The following HMG20A variants were observed in gnomAD, a reference collection of about 807,000 sequenced individuals.
The protein encoded by HMG20A is high mobility group protein 20A.
Under a neutral mutation model 43.9 loss-of-function variants are expected in HMG20A, and 17 were observed. That is an observed-to-expected ratio of 0.39 (90% CI 0.27 to 0.58). The LOEUF (loss-of-function observed/expected upper bound fraction) is 0.58. Among genes scored for constraint, HMG20A ranks in the 20% least tolerant of loss-of-function variants. The pLI is 0.59. For synonymous variants in HMG20A, 132 were observed against 147.5 expected (o/e 0.89, Z 0.76); for missense variants, 341 against 438.2 (o/e 0.78, Z 1.98).
chr15:77,484,244 G>A lies in HMG20A; in HGVS notation c.*1281G>A, dbSNP rs2072929138. 2.0e-5 allele frequency: 3 copies of A among 152,186 alleles called. No homozygotes were observed. The highest frequency in any genetic ancestry group is 3.8e-4 in the East Asian group (2 of 5,200). 9.4% of individuals were successfully genotyped at this position (152,186 alleles called of 1,614,324 possible). Reference sequence around the variant, plus strand: ...TACAACTCTTGGGCTCAAGCATCACGCCTAGCAGTTTCTGGTTCCTTTAAC... The same window carrying A: ...TACAACTCTTGGGCTCAAGCATCACACCTAGCAGTTTCTGGTTCCTTTAAC... On this transcript the variant is annotated 3_prime_UTR_variant, in exon 10 of 10. Transcript: ENST00000336216.
chr15:77,506,243 C>G, the HMG20A span, among the ~76,000 whole-genome samples: 6,206 of 152,050 alleles, frequency 0.041, 383 homozygotes, highest in African/African-American at 0.14. Context: ...CATATCCCAC[C>G]CCGATCCCAG....
At chr15:77,429,644 A>G (rs1304103994) in intron 1 of HMG20A, among the ~76,000 whole-genome samples, 1 of 152,242 alleles carries the variant, frequency 6.6e-6, no homozygotes, top group Non-Finnish European at 1.5e-5. Flanking sequence ...AAAAATAGTT[A>G]AAGGCACAAA....
chr15:77,516,814 A>G, the HMG20A span, among the ~76,000 whole-genome samples: 7 of 152,292 alleles, frequency 4.6e-5, 1 homozygote, highest in Middle Eastern at 0.014. Flanking sequence ...AGTGAGACAC[A>G]GCCTGGTTGT....
the HMG20A span, among the ~76,000 whole-genome samples, chr15:77,519,881 C>T: frequency 6.6e-6 from 1 of 152,092 alleles, no homozygotes; most frequent in Non-Finnish European, 1.5e-5. Flanking sequence ...GTGCTATTTG[C>T]TTATCCAGGA....
Position 77,478,417 on chromosome 15 carries a change from A to C in HMG20A, c.814A>C (p.Ile272Leu), listed in dbSNP as rs753116268. 4 of 1,612,962 alleles carry C rather than the reference A, an allele frequency of 2.5e-6. No homozygotes were observed. In the South Asian group the frequency reaches 4.4e-5, roughly 18 times the overall value. Residue 272 changes from isoleucine to leucine, a missense_variant, in exon 8 of 10, where the codon ATC becomes CTC. Coordinates refer to ENST00000336216, the MANE Select transcript of HMG20A (RefSeq NM_001304504.2). ...AGTGGAGAAGCTGGAGGTGGATGTG[A>C]TCCAGGAGCGGAGCCGCAACACAGT... is the stretch of plus-strand genomic sequence containing the variant. Reference protein sequence around the residue: ...TAVEKLEVDVIQERSRNTVLQ... With the variant: ...TAVEKLEVDVLQERSRNTVLQ...
intron 1 of HMG20A, among the ~76,000 whole-genome samples, chr15:77,440,727 T>C (rs1486589623): frequency 6.6e-6 from 1 of 152,210 alleles, no homozygotes; most frequent in Non-Finnish European, 1.5e-5. Context: ...AAGAATCATA[T>C]GTCACTCACT....
intron 1 of HMG20A, among the ~76,000 whole-genome samples, chr15:77,456,982 A>G (rs563236011): frequency 3.7e-4 from 56 of 152,310 alleles, no homozygotes; most frequent in African/African-American, 1.3e-3. Flanking sequence ...GCAGTAGAAT[A>G]AAGTGCTTAT....
chr15:77,505,914 A>T, the HMG20A span, among the ~76,000 whole-genome samples: 1 of 152,134 alleles, frequency 6.6e-6, no homozygotes, highest in South Asian at 2.1e-4. Flanking sequence ...TCAAAATGCA[A>T]CCATTCCATC....
chr15:77,427,031 A>G (rs1408944860), intron 1 of HMG20A, among the ~76,000 whole-genome samples: 1 of 152,128 alleles, frequency 6.6e-6, no homozygotes, highest in Non-Finnish European at 1.5e-5. Flanking sequence ...TAGGTCAAGG[A>G]TGTGGTATAT....
At chr15:77,450,111 T>G (rs2142310618) in intron 1 of HMG20A, among the ~76,000 whole-genome samples, 1 of 152,256 alleles carries the variant, frequency 6.6e-6, no homozygotes, top group South Asian at 2.1e-4. Flanking sequence ...CTTTTCAGAT[T>G]TATTTTTTAT....
At chr15:77,472,140 C>T (rs1299555401) in intron 6 of HMG20A, among the ~76,000 whole-genome samples, 2 of 152,056 alleles carry the variant, frequency 1.3e-5, no homozygotes, top group Non-Finnish European at 1.5e-5. Flanking sequence ...CATAGTTTAT[C>T]ATCACCAAAT....
intron 5 of HMG20A, 30 bp downstream of exon 5, chr15:77,471,072 A>G: frequency 1.9e-6 from 3 of 1,601,342 alleles, no homozygotes; most frequent in Non-Finnish European, 2.6e-6. Flanking sequence ...ATGTATTTGT[A>G]GTTTGTTGTG....
the HMG20A span, among the ~76,000 whole-genome samples, chr15:77,510,120 G>T: frequency 6.6e-6 from 1 of 152,142 alleles, no homozygotes; most frequent in African/African-American, 2.4e-5. Flanking sequence ...TGGGGCTGCT[G>T]CTCCTGCCCT....
chr15:77,479,356 A>G (rs2072886843), intron 9 of HMG20A, 35 bp downstream of exon 9: 1 of 1,596,716 alleles, frequency 6.3e-7, no homozygotes, highest in Non-Finnish European at 8.5e-7. Context: ...ATATGCCAGC[A>G]CATCATCAAA....
rs1389200406 is a variant in HMG20A, at chr15:77,484,266, T to C, written c.*1303T>C. The C allele has an allele frequency of 1.3e-5, 2 of 152,272 alleles. No individual in the cohort carries two copies. The highest frequency in any genetic ancestry group is 2.9e-5 in the Non-Finnish European group (2 of 68,066). The allele number at this position is 152,272 out of a possible 1,614,324, so 9.4% of individuals were successfully genotyped here. On this transcript the variant is annotated 3_prime_UTR_variant, in exon 10 of 10. Transcript: ENST00000336216. Reference sequence around the variant, plus strand: ...CACGCCTAGCAGTTTCTGGTTCCTTTAACAGCAAAAGGAAAGAGAGGTTCT... The same window carrying C: ...CACGCCTAGCAGTTTCTGGTTCCTTCAACAGCAAAAGGAAAGAGAGGTTCT...
chr15:77,471,778 T>C lies in HMG20A; in HGVS notation c.584-5T>C. 8.3e-6 allele frequency: 13 copies of C among 1,573,804 alleles called. No individual in the cohort carries two copies. Among genetic ancestry groups the C allele is most frequent in the Non-Finnish European group, 1.1e-5 (13 of 1,148,122 alleles). On this transcript the variant is annotated splice_region_variant and splice_polypyrimidine_tract_variant and intron_variant, in intron 5 of 9. Transcript: ENST00000336216. The stretch of plus-strand genomic sequence containing the variant: ...TAATGTTCTCTTATTCTTTTATATT[T>C]TTAGATGCAGCCCGGCAGGCCACTC...
the HMG20A span, among the ~76,000 whole-genome samples, chr15:77,504,830 C>T: frequency 8.0e-3 from 1,225 of 152,282 alleles, 13 homozygotes; most frequent in African/African-American, 0.028. Flanking sequence ...GTGCTGGCCC[C>T]GCCACTCACC....
chr15:77,449,359 C>T (rs994378507), intron 1 of HMG20A, among the ~76,000 whole-genome samples: 1 of 152,270 alleles, frequency 6.6e-6, no homozygotes, highest in East Asian at 1.9e-4. Context: ...AACTGAATTT[C>T]ACTTAACTGA....
Position 77,464,311 on chromosome 15 carries a change from A to T in HMG20A, c.161A>T (p.Asp54Val). Residue 54 changes from aspartate to valine, a missense_variant, in exon 3 of 10, where the codon GAT (aspartate) becomes GTT (valine). Asp to Val is a radical substitution (Grantham distance 152). Transcript: ENST00000336216. The stretch of plus-strand genomic sequence containing the variant: ...ACCAACAATCCAGAATTTGTGGAGG[A>T]TCTCTCTCAAGGTCAGTTGCTTCAG... ...SSTNNPEFVE[D>V]LSQGQLLQSE... is the part of the protein sequence containing the mutation. The T allele has an allele frequency of 6.2e-7, 1 of 1,613,854 alleles. No homozygotes were observed. The highest frequency in any genetic ancestry group is 8.5e-7 in the Non-Finnish European group (1 of 1,179,830).
Sources: allele counts gnomAD v4.1 joint callset (sites outside exome capture counted in the v4.1 genomes callset), GRCh38; gene constraint gnomAD v4.1.1; transcripts MANE v1.5; gene names NCBI Gene and HGNC (gene_info 2026-07-23, HGNC 2026-07-21).